SEMA5A: variants seen among roughly 807,000 people sequenced by gnomAD.
The protein encoded by SEMA5A is semaphorin 5A, also known as semaphorin-5A.
SEMA5A carries 55 observed loss-of-function variants against 135.5 expected under a neutral mutation model. The observed-to-expected ratio is 0.41, with a 90% CI of 0.33 to 0.51. SEMA5A has a LOEUF of 0.51. Ranked by LOEUF, SEMA5A falls within the 20% of genes least tolerant of loss-of-function variation. The pLI, the probability that SEMA5A is intolerant of heterozygous loss-of-function variation, is 0.37. For missense variants in SEMA5A, 1,290 were observed against 1,419.9 expected (o/e 0.91, Z 1.47); for synonymous variants, 580 against 546.5 (o/e 1.06, Z -0.85).
At chr5:9,511,805 T>C (rs1736220517) in intron 1 of SEMA5A, among the ~76,000 whole-genome samples, 1 of 152,184 alleles carries the variant, frequency 6.6e-6, no homozygotes. Flanking sequence ...TTGAACACTA[T>C]AAATATATAT....
At chr5:9,269,044 T>C (rs1232113572) in intron 5 of SEMA5A, among the ~76,000 whole-genome samples, 1 of 152,162 alleles carries the variant, frequency 6.6e-6, no homozygotes, top group Non-Finnish European at 1.5e-5. Context: ...GCAAGATCTA[T>C]AGGCTGATAG....
At chr5:9,405,240 A>G (rs1756830626) in intron 2 of SEMA5A, among the ~76,000 whole-genome samples, 2 of 152,240 alleles carry the variant, frequency 1.3e-5, no homozygotes, top group African/African-American at 2.4e-5. Context: ...ACAGAAAAAC[A>G]GACTCCCCAG....
intron 8 of SEMA5A, among the ~76,000 whole-genome samples, chr5:9,213,311 CATGTGGGACCCAGG>C (rs781534641): frequency 9.2e-5 from 14 of 152,182 alleles, no homozygotes; most frequent in Non-Finnish European, 1.5e-4. Flanking sequence ...CTGCTGTAAG[CATGTGGGACCCAGG>C]AGTGAGAAAA....
At chr5:9,427,977 C>T (rs1167793138) in intron 2 of SEMA5A, among the ~76,000 whole-genome samples, 1 of 151,940 alleles carries the variant, frequency 6.6e-6, no homozygotes, top group Non-Finnish European at 1.5e-5. Context: ...ATTTATCTAT[C>T]TCTATATAAT....
At chr5:9,439,832 A>G (rs1385626229) in intron 1 of SEMA5A, among the ~76,000 whole-genome samples, 1 of 152,258 alleles carries the variant, frequency 6.6e-6, no homozygotes, top group Non-Finnish European at 1.5e-5. Flanking sequence ...CAATACCCAC[A>G]GGACAGAGCT....
intron 1 of SEMA5A, among the ~76,000 whole-genome samples, chr5:9,482,282 ATATCT>A (rs1257998112): frequency 6.6e-6 from 1 of 152,238 alleles, no homozygotes; most frequent in Non-Finnish European, 1.5e-5. Flanking sequence ...CAAAGGAAAA[ATATCT>A]TATTAACTCA....
chr5:9,097,869 A>C (rs550457284), intron 16 of SEMA5A, among the ~76,000 whole-genome samples: 2 of 152,364 alleles, frequency 1.3e-5, no homozygotes, highest in Non-Finnish European at 2.9e-5. Flanking sequence ...GTTGCACAAC[A>C]CAAAAAGGGA....
intron 5 of SEMA5A, among the ~76,000 whole-genome samples, chr5:9,291,589 G>C (rs903447135): frequency 6.8e-6 from 1 of 146,230 alleles, no homozygotes; most frequent in African/African-American, 2.5e-5. Context: ...AAGCAGGAAA[G>C]AGAGAGAGAG....
intron 13 of SEMA5A, among the ~76,000 whole-genome samples, chr5:9,131,834 A>G (rs1463524621): frequency 2.0e-5 from 3 of 151,896 alleles, no homozygotes; most frequent in Non-Finnish European, 4.4e-5. Context: ...ACTATAATAC[A>G]TGATGCATTT....
At chr5:9,127,774 G>T (rs1332967534) in intron 13 of SEMA5A, among the ~76,000 whole-genome samples, 1 of 152,170 alleles carries the variant, frequency 6.6e-6, no homozygotes, top group Non-Finnish European at 1.5e-5. Flanking sequence ...AGCCCCTTTG[G>T]TCTCCATTTT....
intron 4 of SEMA5A, among the ~76,000 whole-genome samples, chr5:9,329,106 C>T (rs1579354052): frequency 1.3e-5 from 2 of 152,132 alleles, no homozygotes; most frequent in Admixed American, 6.5e-5. Context: ...TCTCAGGCCC[C>T]GTTGGAGGAA....
Position 9,036,137 on chromosome 5 carries a change from T to C in SEMA5A, c.*6760A>G, listed in dbSNP as rs984134510. 2.0e-5 allele frequency: 3 copies of C among 152,170 alleles called. No individual in the cohort carries two copies. Among genetic ancestry groups the C allele is most frequent in the African/African-American group, 7.2e-5 (3 of 41,450 alleles). 9.4% of individuals were successfully genotyped at this position (152,170 alleles called of 1,614,324 possible). A position where few individuals can be genotyped will look rare whatever the true frequency, so the allele number is the denominator to read the frequency against. On this transcript the variant is annotated 3_prime_UTR_variant, in exon 23 of 23. Transcript: ENST00000382496. ...AGAATCCAACATTGGACCAAAAGTTTGTGCATTTTCTTGCAGATGATGTAG... is the reference window on the plus strand; with the variant it reads ...AGAATCCAACATTGGACCAAAAGTTCGTGCATTTTCTTGCAGATGATGTAG...
intron 5 of SEMA5A, among the ~76,000 whole-genome samples, chr5:9,240,981 C>A (rs910928600): frequency 1.3e-5 from 2 of 152,000 alleles, no homozygotes; most frequent in Admixed American, 6.6e-5. Context: ...TTTTTGTCAT[C>A]TTTTGTCTTT....
At chr5:9,221,174 T>A (rs1316284526) in intron 8 of SEMA5A, among the ~76,000 whole-genome samples, 2 of 152,140 alleles carry the variant, frequency 1.3e-5, no homozygotes, top group East Asian at 3.9e-4. Flanking sequence ...ATTTAATGGG[T>A]CCTTAAAATC....
At chr5:9,110,308 T>C (rs139356030) in intron 15 of SEMA5A, among the ~76,000 whole-genome samples, 8 of 152,304 alleles carry the variant, frequency 5.3e-5, no homozygotes, top group South Asian at 2.1e-4. Flanking sequence ...ATCTTGACTA[T>C]TCTCTGGAGC....
chr5:9,236,235 C>T (rs1747901792), intron 6 of SEMA5A, among the ~76,000 whole-genome samples: 1 of 152,102 alleles, frequency 6.6e-6, no homozygotes, highest in African/African-American at 2.4e-5. Context: ...CATTGATATC[C>T]CCAGGCAAGG....
rs1361930896 is a variant in SEMA5A, at chr5:9,042,198, A to G, written c.*699T>C. The G allele has an allele frequency of 6.6e-6, 1 of 152,532 alleles. No individual in the cohort carries two copies. The highest frequency in any genetic ancestry group is 1.5e-5 in the Non-Finnish European group (1 of 68,152). The allele number at this position is 152,532 out of a possible 1,614,324, so 9.4% of individuals were successfully genotyped here. On this transcript the variant is annotated 3_prime_UTR_variant, in exon 23 of 23. Transcript: ENST00000382496. Reference sequence around the variant, plus strand: ...TTGCAGCAACCTGCAGAACACATCCACGCTTCATTGTGCCTGAGCCTCTGC... The same window carrying G: ...TTGCAGCAACCTGCAGAACACATCCGCGCTTCATTGTGCCTGAGCCTCTGC...
intron 5 of SEMA5A, among the ~76,000 whole-genome samples, chr5:9,297,497 G>A (rs1345701756): frequency 6.6e-6 from 1 of 152,064 alleles, no homozygotes; most frequent in Non-Finnish European, 1.5e-5. Context: ...GAACCTTCAG[G>A]TGCCTTGTTC....
intron 5 of SEMA5A, among the ~76,000 whole-genome samples, chr5:9,305,145 A>G (rs1327974638): frequency 1.3e-5 from 2 of 151,712 alleles, no homozygotes; most frequent in Admixed American, 6.6e-5. Context: ...TGGAGCCTCT[A>G]TTTCCTGGGC....
Sources: allele counts gnomAD v4.1 joint callset (sites outside exome capture counted in the v4.1 genomes callset), GRCh38; gene constraint gnomAD v4.1.1; transcripts MANE v1.5; gene names NCBI Gene and HGNC (gene_info 2026-07-23, HGNC 2026-07-21).